Variants in C12orf60 observed in about 807,000 individuals in gnomAD.
C12orf60 encodes the protein chromosome 12 open reading frame 60.
For missense variants in C12orf60, 284 were observed against 283.2 expected, an observed-to-expected ratio of 1.00 and a Z score of -0.02; for synonymous variants, 102 against 94.6, an observed-to-expected ratio of 1.08 and a Z score of -0.45.
chr12:14,807,380 G>GTT (rs1330733449), intron 1 of C12orf60, among the ~76,000 whole-genome samples: 3 of 152,122 alleles, frequency 2.0e-5, no homozygotes, highest in Admixed American at 2.0e-4. Context: ...GTGCTCCTTA[G>GTT]TTTCCCGAAC....
At chr12:14,821,304 A>G (rs1950301300) in intron 1 of C12orf60, among the ~76,000 whole-genome samples, 1 of 152,166 alleles carries the variant, frequency 6.6e-6, no homozygotes, top group African/African-American at 2.4e-5. Flanking sequence ...GATTTTAAAC[A>G]ACAGAAATGT....
rs116880950 is a variant in C12orf60 at position 14,812,521 on chromosome 12, A to C, written c.-25+8770A>C. Among the ~76,000 whole-genome samples the C allele has an allele frequency of 8.6e-4, 131 of 152,264 alleles. 2 individuals carry two copies. In the East Asian group the frequency reaches 0.019, roughly 22 times the overall value. ...GGTTCAATAAATCTAAAATTGTTTCACTATCACTAATATTCTAATGAGCAT... is the reference window on the plus strand; with the variant it reads ...GGTTCAATAAATCTAAAATTGTTTCCCTATCACTAATATTCTAATGAGCAT... On this transcript the variant is annotated intron_variant, in intron 1 of 1. Coordinates refer to ENST00000330828, the MANE Select transcript of C12orf60 (RefSeq NM_175874.4).
intron 1 of C12orf60, among the ~76,000 whole-genome samples, chr12:14,807,390 C>T (rs1037505574): frequency 2.0e-5 from 3 of 152,186 alleles, no homozygotes; most frequent in African/African-American, 4.8e-5. Context: ...GTTTCCCGAA[C>T]CCCTAGTCAC....
intron 1 of C12orf60, chr12:14,806,051 A>G (rs1950043140): frequency 6.2e-7 from 1 of 1,614,042 alleles, no homozygotes; most frequent in Non-Finnish European, 8.5e-7. Context: ...TAATGGCATG[A>G]TTATATTTTT....
intron 1 of C12orf60, among the ~76,000 whole-genome samples, chr12:14,810,712 A>G (rs1268891781): frequency 6.6e-6 from 1 of 152,202 alleles, no homozygotes; most frequent in African/African-American, 2.4e-5. Flanking sequence ...AAGGTTAACA[A>G]TTTGTAACCT....
intron 1 of C12orf60, among the ~76,000 whole-genome samples, chr12:14,815,286 C>T (rs1240171529): frequency 6.6e-6 from 1 of 152,116 alleles, no homozygotes; most frequent in Non-Finnish European, 1.5e-5. Flanking sequence ...CAGGGCCCCA[C>T]CACGTACGGA....
chr12:14,812,575 A>G (rs965465136), intron 1 of C12orf60, among the ~76,000 whole-genome samples: 2 of 152,036 alleles, frequency 1.3e-5, no homozygotes, highest in African/African-American at 4.8e-5. Context: ...TTTTTCCTCC[A>G]TTATCTGGAT....
chr12:14,806,773 C>T (rs1950058829), intron 1 of C12orf60: 1 of 1,311,714 alleles, frequency 7.6e-7, no homozygotes, highest in African/African-American at 1.5e-5. Flanking sequence ...ACTAGGAAAT[C>T]TTTTTCTTCA....
chr12:14,822,975 C>G lies in C12orf60; in HGVS notation c.40C>G (p.Gln14Glu). 1.2e-6 allele frequency: 2 copies of G among 1,605,514 alleles called. No individual in the cohort carries two copies. The highest frequency in any genetic ancestry group is 2.2e-5 in the South Asian group (2 of 90,388). ...ESEKDKERLI[Q>E]AAKMFFFHVQ... The stretch of plus-strand genomic sequence containing the variant: ...AGAAAAGGATAAAGAGAGACTGATT[C>G]AAGCTGCCAAAATGTTCTTCTTTCA... The change falls in exon 2 of 2, where the codon CAA becomes GAA. Residue 14 changes from glutamine (Q) to glutamate (E), a missense_variant. Physicochemically the swap from Gln to Glu is conservative, Grantham distance 29. Coordinates refer to ENST00000330828, the MANE Select transcript of C12orf60 (RefSeq NM_175874.4).
chr12:14,823,672 A>C lies in C12orf60; in HGVS notation c.737A>C (p.Ter246SerextTer14), dbSNP rs1364692853. 6 of 1,551,262 alleles carry C rather than the reference A, an allele frequency of 3.9e-6. No homozygotes were observed. Among genetic ancestry groups the C allele is most frequent in the Non-Finnish European group, 5.2e-6 (6 of 1,152,778 alleles). ...GTGTTTAAGAAAGCCAGTGACAAGT[A>C]GGGATGCAACAGAAATGTTCATTTC... is the stretch of plus-strand genomic sequence containing the variant. ...ISVFKKASDK[*>S] The change falls in exon 2 of 2, where the codon TAG becomes TCG. Residue 246 changes from the stop codon to serine, a stop_lost. Coordinates refer to ENST00000330828, the MANE Select transcript of C12orf60 (RefSeq NM_175874.4).
intron 1 of C12orf60, among the ~76,000 whole-genome samples, chr12:14,817,246 A>C (rs924741202): frequency 1.3e-5 from 2 of 152,074 alleles, no homozygotes; most frequent in Non-Finnish European, 2.9e-5. Context: ...GTATGACATA[A>C]AATCAAGGTT....
At chr12:14,812,736 G>C (rs1950160368) in intron 1 of C12orf60, among the ~76,000 whole-genome samples, 1 of 151,730 alleles carries the variant, frequency 6.6e-6, no homozygotes, top group Non-Finnish European at 1.5e-5. Flanking sequence ...GCAGGATACT[G>C]GGTATCCTGC....
intron 1 of C12orf60, among the ~76,000 whole-genome samples, chr12:14,808,030 G>A (rs1950080154): frequency 6.6e-6 from 1 of 152,166 alleles, no homozygotes; most frequent in Non-Finnish European, 1.5e-5. Flanking sequence ...GTTGGGTGTG[G>A]TGGTGCATGC....
chr12:14,807,406 T>TGC (rs1173700832), intron 1 of C12orf60, among the ~76,000 whole-genome samples: 1 of 152,224 alleles, frequency 6.6e-6, no homozygotes, highest in Non-Finnish European at 1.5e-5. Context: ...GTCACCACAT[T>TGC]GACCACACCT....
At chr12:14,817,820 A>T (rs1385033159) in intron 1 of C12orf60, among the ~76,000 whole-genome samples, 1 of 152,082 alleles carries the variant, frequency 6.6e-6, no homozygotes, top group Non-Finnish European at 1.5e-5. Flanking sequence ...TAGTAGCATG[A>T]TTTATAATCC....
chr12:14,824,327 A>G lies in C12orf60; in HGVS notation c.*654A>G, dbSNP rs1157028987. ...AAGTACTCTAGCCTTTCACAAAGAA[A>G]AGACTTTCACAAGGAAAACACTTGC... On this transcript the variant is annotated 3_prime_UTR_variant, in exon 2 of 2. Coordinates refer to ENST00000330828, the MANE Select transcript of C12orf60 (RefSeq NM_175874.4). 2 of 152,228 alleles carry G rather than the reference A, an allele frequency of 1.3e-5. No individual in the cohort carries two copies. The highest frequency in any genetic ancestry group is 4.8e-5 in the African/African-American group (2 of 41,460). 9.4% of individuals were successfully genotyped at this position (152,228 alleles called of 1,614,324 possible).
At chr12:14,815,317 A>G (rs1042202484) in intron 1 of C12orf60, among the ~76,000 whole-genome samples, 2 of 152,186 alleles carry the variant, frequency 1.3e-5, no homozygotes, top group Non-Finnish European at 2.9e-5. Flanking sequence ...GTGTATCTGA[A>G]CTAGGTATGG....
Position 14,809,884 on chromosome 12 carries a change from T to G in C12orf60, c.-25+6133T>G, listed in dbSNP as rs958919793. On this transcript the variant is annotated intron_variant, in intron 1 of 1. Coordinates refer to ENST00000330828, the MANE Select transcript of C12orf60 (RefSeq NM_175874.4). ...CCTGAACAGAGTACAAAAAATAGTA[T>G]CTAATAAAATGGTGGGAAAAGTTCA... Among the ~76,000 whole-genome samples, 6 of 152,162 alleles carry G rather than the reference T, an allele frequency of 3.9e-5. No individual in the cohort carries two copies. In the South Asian group the frequency reaches 1.2e-3, roughly 32 times the overall value.
intron 1 of C12orf60, chr12:14,806,411 C>G: frequency 6.2e-7 from 1 of 1,614,178 alleles, no homozygotes; most frequent in Non-Finnish European, 8.5e-7. Context: ...TTGGCTCTAG[C>G]TTATCTTTTA....
Sources: gnomAD v4.1 joint callset for allele counts (sites outside exome capture counted in the v4.1 genomes callset) on GRCh38, gnomAD v4.1.1 for gene constraint, MANE v1.5 for transcripts, NCBI Gene and HGNC (gene_info 2026-07-23, HGNC 2026-07-21) for gene names.